Variants in LYPLAL1 observed in about 807,000 individuals in gnomAD.
LYPLAL1 encodes the protein lysophospholipase-like protein 1.
A neutral mutation model predicts 19.7 loss-of-function variants in LYPLAL1; 23 were observed. The observed-to-expected ratio is 1.17, with a 90% CI of 0.84 to 1.65. The LOEUF is 1.65. Ranked by LOEUF, LYPLAL1 falls within the 40% of genes most tolerant of loss-of-function variation. LYPLAL1 has a pLI of 0.00. For synonymous variants in LYPLAL1, 119 were observed against 96.3 expected (o/e 1.24, Z -1.38); for missense variants, 355 against 279.4 (o/e 1.27, Z -1.93).
the LYPLAL1 span, among the ~76,000 whole-genome samples, chr1:219,237,365 T>G: frequency 1.3e-5 from 2 of 152,240 alleles, no homozygotes; most frequent in African/African-American, 4.8e-5. Context: ...AAGCCATGAC[T>G]CTTAACAAAG....
chr1:219,379,387 T>G, the LYPLAL1 span, among the ~76,000 whole-genome samples: 1 of 152,206 alleles, frequency 6.6e-6, no homozygotes, highest in African/African-American at 2.4e-5. Context: ...ATTGTCCCAG[T>G]GTGGGAGAAG....
chr1:219,380,418 G>A, the LYPLAL1 span, among the ~76,000 whole-genome samples: 1 of 152,224 alleles, frequency 6.6e-6, no homozygotes, highest in African/African-American at 2.4e-5. Context: ...ATGCTCATTG[G>A]AAGAGTCCTG....
chr1:219,251,066 AT>A, the LYPLAL1 span, among the ~76,000 whole-genome samples: 2 of 151,578 alleles, frequency 1.3e-5, no homozygotes, highest in Non-Finnish European at 3.0e-5. Flanking sequence ...GAGATAGTGA[AT>A]TTTTTTTCAC....
chr1:219,218,288 A>G, the LYPLAL1 span, among the ~76,000 whole-genome samples: 3 of 152,102 alleles, frequency 2.0e-5, no homozygotes, highest in Non-Finnish European at 2.9e-5. Context: ...TATTTAAACA[A>G]TGTCTTCATT....
the LYPLAL1 span, among the ~76,000 whole-genome samples, chr1:219,420,355 G>A: frequency 2.4e-3 from 363 of 152,286 alleles, 3 homozygotes; most frequent in African/African-American, 8.2e-3. Flanking sequence ...ATATTAACCC[G>A]AATAATTTGC....
chr1:219,378,103 A>G, the LYPLAL1 span, among the ~76,000 whole-genome samples: 1 of 152,222 alleles, frequency 6.6e-6, no homozygotes, highest in Non-Finnish European at 1.5e-5. Flanking sequence ...GCTTCATGCA[A>G]AAAGGGTCCA....
Position 219,199,446 on chromosome 1 carries a change from T to C in LYPLAL1, c.361+6195T>C, listed in dbSNP as rs188192451. On this transcript the variant is annotated intron_variant, in intron 3 of 4. Coordinates refer to ENST00000366928, the MANE Select transcript of LYPLAL1 (RefSeq NM_138794.5). ...TTAAAGCTGGTTAATACTGATCTTT[T>C]TTTTTTTTTGGAGACAGAGTCTCGC... Among the ~76,000 whole-genome samples, 240 of 152,134 alleles carry C rather than the reference T, an allele frequency of 1.6e-3. 3 individuals carry two copies. The East Asian group carries it at 0.022, about 14-fold the overall frequency.
At chr1:219,177,353 CTCTCTCTTT>C (rs1655901918) in intron 1 of LYPLAL1, among the ~76,000 whole-genome samples, 2 of 152,210 alleles carry the variant, frequency 1.3e-5, no homozygotes, top group Non-Finnish European at 2.9e-5. Context: ...GTTTTCCCTT[CTCTCTCTTT>C]TTGAGAAAGG....
At chr1:219,396,950 G>A in the LYPLAL1 span, among the ~76,000 whole-genome samples, 1 of 152,302 alleles carries the variant, frequency 6.6e-6, no homozygotes, top group East Asian at 1.9e-4. Context: ...CCAATACTAT[G>A]TTGAGTAGGA....
the LYPLAL1 span, among the ~76,000 whole-genome samples, chr1:219,367,721 A>G: frequency 6.6e-6 from 1 of 152,210 alleles, no homozygotes; most frequent in African/African-American, 2.4e-5. Flanking sequence ...GCCTAATGCC[A>G]TGAAAAAGAA....
At chr1:219,336,325 T>C in the LYPLAL1 span, among the ~76,000 whole-genome samples, 4 of 151,862 alleles carry the variant, frequency 2.6e-5, no homozygotes, top group Non-Finnish European at 5.9e-5. Context: ...TACTTACTTG[T>C]CATGATATAT....
chr1:219,421,877 T>G, the LYPLAL1 span, among the ~76,000 whole-genome samples: 1 of 152,156 alleles, frequency 6.6e-6, no homozygotes, highest in Non-Finnish European at 1.5e-5. Flanking sequence ...TACTTTAACG[T>G]TTTTTAGGTG....
the LYPLAL1 span, among the ~76,000 whole-genome samples, chr1:219,341,548 T>G: frequency 1.3e-5 from 2 of 152,114 alleles, no homozygotes; most frequent in African/African-American, 4.8e-5. Flanking sequence ...ATTAGACAGT[T>G]GGGTAATGTA....
At chr1:219,265,205 G>T in the LYPLAL1 span, among the ~76,000 whole-genome samples, 3 of 152,186 alleles carry the variant, frequency 2.0e-5, no homozygotes, top group African/African-American at 7.2e-5. Context: ...TCTAGCTAAT[G>T]TTCCTTTCCT....
intron 1 of LYPLAL1, 56 bp downstream of exon 1, chr1:219,174,037 G>C: frequency 1.2e-6 from 2 of 1,609,290 alleles, no homozygotes; most frequent in Non-Finnish European, 1.7e-6. Context: ...TCCTCCCCTC[G>C]GTTACCCCAG....
At chr1:219,442,308 T>G in the LYPLAL1 span, among the ~76,000 whole-genome samples, 1 of 152,316 alleles carries the variant, frequency 6.6e-6, no homozygotes, top group East Asian at 1.9e-4. Context: ...TGAAACTGAA[T>G]TGGATTGAAG....
chr1:219,382,888 G>T, the LYPLAL1 span, among the ~76,000 whole-genome samples: 1 of 150,608 alleles, frequency 6.6e-6, no homozygotes, highest in Non-Finnish European at 1.5e-5. Context: ...AAAAAATATG[G>T]CCAACTCCAA....
the LYPLAL1 span, among the ~76,000 whole-genome samples, chr1:219,288,030 T>C: frequency 6.6e-6 from 1 of 152,150 alleles, no homozygotes; most frequent in Non-Finnish European, 1.5e-5. Flanking sequence ...ACCTCTTTTC[T>C]CCATAAATTA....
the LYPLAL1 span, among the ~76,000 whole-genome samples, chr1:219,314,432 T>C: frequency 6.6e-6 from 1 of 152,198 alleles, no homozygotes; most frequent in East Asian, 1.9e-4. Flanking sequence ...AGAGAGTTTT[T>C]ATTTTTTTTC....
Sources: allele counts gnomAD v4.1 joint callset (sites outside exome capture counted in the v4.1 genomes callset), GRCh38; gene constraint gnomAD v4.1.1; transcripts MANE v1.5; gene names NCBI Gene and HGNC (gene_info 2026-07-23, HGNC 2026-07-21).